The following MSRB3 variants were observed in gnomAD, a reference collection of about 807,000 sequenced individuals.
The protein encoded by MSRB3 is methionine-R-sulfoxide reductase B3.
MSRB3 carries 13 observed loss-of-function variants against 21.0 expected under a neutral mutation model. The observed-to-expected ratio is 0.62, with a 90% CI of 0.40 to 0.98. MSRB3 has a LOEUF of 0.98. Among genes scored for constraint, MSRB3 ranks in the 50% least tolerant of loss-of-function variants. MSRB3 has a pLI of 0.00. For missense variants in MSRB3, 199 were observed against 230.3 expected, an observed-to-expected ratio of 0.86 and a Z score of 0.88; for synonymous variants, 87 against 88.6, an observed-to-expected ratio of 0.98 and a Z score of 0.10.
At chr12:65,422,387 A>AATATATATAT (rs1565884963) in intron 5 of MSRB3, among the ~76,000 whole-genome samples, 2 of 88,134 alleles carry the variant, frequency 2.3e-5, no homozygotes, top group Non-Finnish European at 2.2e-5. Flanking sequence ...GGGAGTACAT[A>AATATATATAT]GTATATATAT....
At chr12:65,400,256 G>A (rs1199333064) in intron 5 of MSRB3, among the ~76,000 whole-genome samples, 3 of 150,524 alleles carry the variant, frequency 2.0e-5, no homozygotes, top group African/African-American at 7.3e-5. Context: ...TTTTTGGTTG[G>A]TAGGCTATTA....
intron 4 of MSRB3, among the ~76,000 whole-genome samples, chr12:65,355,550 G>T (rs773956903): frequency 1.3e-5 from 2 of 151,694 alleles, no homozygotes; most frequent in Admixed American, 6.6e-5. Context: ...GTCTTGATTT[G>T]TTTTTCAGTG....
At chr12:65,336,783 A>G (rs1875787790) in intron 4 of MSRB3, among the ~76,000 whole-genome samples, 1 of 152,232 alleles carries the variant, frequency 6.6e-6, no homozygotes, top group African/African-American at 2.4e-5. Flanking sequence ...TTTTTTGTAA[A>G]TGAATAATTC....
In MSRB3 at chr12:65,354,629, AT is replaced by A. The variant is rs750752641; in HGVS notation, c.264-14360del. 4.6e-5 allele frequency among the ~76,000 whole-genome samples: 7 copies of A among 151,146 alleles called. No individual in the cohort carries two copies. The East Asian group carries it at 5.8e-4, about 13-fold the overall frequency. ...GTTATTCTATTTAGCCATTCGTTTA[AT>A]TTTTTTTTAAGAAAGATCTTTAAGT... On this transcript the variant is annotated intron_variant, in intron 4 of 6. Transcript: ENST00000308259.
intron 5 of MSRB3, among the ~76,000 whole-genome samples, chr12:65,442,653 C>G (rs1344487074): frequency 6.6e-6 from 1 of 152,042 alleles, no homozygotes; most frequent in East Asian, 1.9e-4. Context: ...TAATGGATGC[C>G]TCACTGGACT....
intron 5 of MSRB3, 80 bp from the exon 6 acceptor site, chr12:65,453,648 G>A (rs1882957141): frequency 1.9e-6 from 2 of 1,027,612 alleles, no homozygotes; most frequent in Non-Finnish European, 3.1e-6. Flanking sequence ...TATTTGCTTA[G>A]TATTTCTTTA....
At chr12:65,299,730 A>G (rs1462411575) in intron 1 of MSRB3, among the ~76,000 whole-genome samples, 1 of 152,138 alleles carries the variant, frequency 6.6e-6, no homozygotes, top group African/African-American at 2.4e-5. Context: ...TCTACTTTAT[A>G]AGAGGAGGAC....
chr12:65,419,192 C>A, intron 5 of MSRB3: 1 of 704,128 alleles, frequency 1.4e-6, no homozygotes, highest in East Asian at 2.6e-5. Flanking sequence ...GTGGTACTCT[C>A]CTTAATCTGC....
chr12:65,352,335 T>C (rs903299384), intron 4 of MSRB3, among the ~76,000 whole-genome samples: 5 of 151,330 alleles, frequency 3.3e-5, no homozygotes, highest in South Asian at 4.1e-4. Flanking sequence ...GAGCTATCTA[T>C]GAGAAACCCA....
intron 5 of MSRB3, among the ~76,000 whole-genome samples, chr12:65,417,957 A>G (rs941305824): frequency 6.6e-6 from 1 of 152,252 alleles, no homozygotes; most frequent in Non-Finnish European, 1.5e-5. Flanking sequence ...GAGTGCAGAT[A>G]TCTCAACAGA....
intron 5 of MSRB3, among the ~76,000 whole-genome samples, chr12:65,393,618 G>A (rs1318508857): frequency 1.5e-5 from 2 of 131,474 alleles, no homozygotes; most frequent in Non-Finnish European, 3.1e-5. Flanking sequence ...GCAGTAGAGC[G>A]AGACTCCGTC....
chr12:65,397,639 G>C lies in MSRB3; in HGVS notation c.292+28613G>C, dbSNP rs1032475642. ...TTTTAATTATTATACTCTAAGTTCT[G>C]GGATACATGTGCAGAACATGCAGGT... is the stretch of plus-strand genomic sequence containing the variant. On this transcript the variant is annotated intron_variant, in intron 5 of 6. Coordinates refer to ENST00000308259, the MANE Select transcript of MSRB3 (RefSeq NM_001031679.3). Among the ~76,000 whole-genome samples the C allele has an allele frequency of 2.0e-5, 3 of 151,852 alleles. No individual in the cohort carries two copies. In the South Asian group the frequency reaches 6.2e-4, roughly 32 times the overall value.
chr12:65,355,591 A>T (rs1877335835), intron 4 of MSRB3, among the ~76,000 whole-genome samples: 1 of 151,788 alleles, frequency 6.6e-6, no homozygotes. Flanking sequence ...TTTTATTCTA[A>T]GGAAACTTGC....
intron 5 of MSRB3, among the ~76,000 whole-genome samples, chr12:65,390,595 T>A (rs1440441032): frequency 6.6e-6 from 1 of 152,178 alleles, no homozygotes; most frequent in Non-Finnish European, 1.5e-5. Context: ...TGAAAAGCAA[T>A]TTGGTAATTG....
At chr12:65,415,041 C>T (rs1403039109) in intron 5 of MSRB3, among the ~76,000 whole-genome samples, 3 of 151,994 alleles carry the variant, frequency 2.0e-5, no homozygotes, top group African/African-American at 7.3e-5. Context: ...ACTAAGATAA[C>T]CACTGGGGAA....
chr12:65,437,015 A>G (rs1247012902), intron 5 of MSRB3, among the ~76,000 whole-genome samples: 1 of 151,968 alleles, frequency 6.6e-6, no homozygotes, highest in Non-Finnish European at 1.5e-5. Flanking sequence ...TAAAGCACTT[A>G]GCATAACATC....
At chr12:65,328,190 C>T (rs925088797) in intron 3 of MSRB3, among the ~76,000 whole-genome samples, 7 of 152,054 alleles carry the variant, frequency 4.6e-5, no homozygotes, top group South Asian at 2.1e-4. Context: ...TACTCTTGCA[C>T]ACTGTAAAGT....
intron 5 of MSRB3, among the ~76,000 whole-genome samples, chr12:65,380,440 G>A (rs1471501159): frequency 1.3e-5 from 2 of 152,066 alleles, no homozygotes; most frequent in Non-Finnish European, 2.9e-5. Context: ...ACCAGGTGTG[G>A]TGGTGCACCC....
intron 5 of MSRB3, among the ~76,000 whole-genome samples, chr12:65,427,086 T>G (rs1007994022): frequency 4.6e-5 from 7 of 152,212 alleles, no homozygotes; most frequent in African/African-American, 1.7e-4. Flanking sequence ...CTCTTGGTAG[T>G]GGTATGTCTC....
Sources: gnomAD v4.1 joint callset for allele counts (sites outside exome capture counted in the v4.1 genomes callset) on GRCh38, gnomAD v4.1.1 for gene constraint, MANE v1.5 for transcripts, NCBI Gene and HGNC (gene_info 2026-07-23, HGNC 2026-07-21) for gene names.